Variants in MACF1 observed in about 807,000 individuals in gnomAD.
MACF1 encodes microtubule-actin cross-linking factor 1.
MACF1 carries 193 observed loss-of-function variants against 854.8 expected under a neutral mutation model. That is an observed-to-expected ratio of 0.23 (90% CI 0.20 to 0.25). The LOEUF (loss-of-function observed/expected upper bound fraction) is 0.25. Among genes scored for constraint, MACF1 ranks in the 10% least tolerant of loss-of-function variants. MACF1 has a pLI of 1.00. For missense variants in MACF1, 7,722 were observed against 8,929.1 expected (o/e 0.86, Z 5.45); for synonymous variants, 3,185 against 3,226.7 (o/e 0.99, Z 0.44).
intron 67 of MACF1, 138 bp from the exon 68 acceptor site, chr1:39,432,910 A>G (rs1643898821): frequency 1.6e-6 from 1 of 622,640 alleles, no homozygotes; most frequent in East Asian, 3.0e-5. Flanking sequence ...GATAAGCTAG[A>G]GAAGATGTTG....
At chr1:39,458,715 A>G (rs547384281) in intron 90 of MACF1, 1 of 574,104 alleles carries the variant, frequency 1.7e-6, no homozygotes, top group South Asian at 2.9e-5. Flanking sequence ...GGTTAAGCTT[A>G]TTTTTTAACA....
rs1240586369 is a variant in MACF1, at chr1:39,105,737, G to A, written c.220+21299G>A. 6 of 1,119,778 alleles carry A rather than the reference G, an allele frequency of 5.4e-6. No homozygotes were observed. The highest frequency in any genetic ancestry group is 6.7e-6 in the Non-Finnish European group (6 of 897,212). The allele number at this position is 1,119,778 out of a possible 1,614,324, so 69.4% of individuals were successfully genotyped here. A position where few individuals can be genotyped will look rare whatever the true frequency, so the allele number is the denominator to read the frequency against. On this transcript the variant is annotated intron_variant, in intron 2 of 93. Transcript: ENST00000361689. The surrounding 1 kb of genome is among the most constrained non-coding windows in gnomAD (Gnocchi z 5.9). ...ACAAAGGTAGGGCCGGGGACTGGCCGGCGCTGAGGCCCGCGGGCCGGCGCA... is the reference window on the plus strand; with the variant it reads ...ACAAAGGTAGGGCCGGGGACTGGCCAGCGCTGAGGCCCGCGGGCCGGCGCA...
intron 84 of MACF1, among the ~76,000 whole-genome samples, chr1:39,450,036 ATATTTT>A (rs1377627359): frequency 7.3e-5 from 11 of 151,406 alleles, no homozygotes; most frequent in Admixed American, 7.2e-4. Flanking sequence ...ATTTTTTTTA[ATATTTT>A]TATTAGAGAC....
rs1320335951 is a variant in MACF1 at position 39,150,459 on chromosome 1, C to A, written c.220+66021C>A. On this transcript the variant is annotated intron_variant, in intron 2 of 93. Transcript: ENST00000361689. ...GATTATTGTCATTCTACACCTAATA[C>A]CTACTAAATGTTAACATTATTTTAT... Among the ~76,000 whole-genome samples, 3 of 152,122 alleles carry A rather than the reference C, an allele frequency of 2.0e-5. No homozygotes were observed. In the East Asian group the frequency reaches 5.8e-4, roughly 29 times the overall value.
At chr1:39,415,811 G>C (rs1481785813) in intron 58 of MACF1, among the ~76,000 whole-genome samples, 1 of 152,176 alleles carries the variant, frequency 6.6e-6, no homozygotes, top group Non-Finnish European at 1.5e-5. Context: ...CAGTGGTAAA[G>C]AGTGCAGGAG....
chr1:39,369,970 T>C, intron 50 of MACF1, 60 bp from the exon 51 acceptor site: 1 of 1,501,744 alleles, frequency 6.7e-7, no homozygotes, highest in Non-Finnish European at 9.1e-7. Context: ...GAACTACTCT[T>C]AGCTCAAGTT....
chr1:39,410,421 A>G (rs1234941541), intron 58 of MACF1: 1 of 1,614,100 alleles, frequency 6.2e-7, no homozygotes, highest in Non-Finnish European at 8.5e-7. Context: ...ACCAGGGGTC[A>G]AAGCTTAACC....
chr1:39,134,268 G>C (rs924849956), intron 2 of MACF1, among the ~76,000 whole-genome samples: 4 of 150,928 alleles, frequency 2.7e-5, no homozygotes, highest in Non-Finnish European at 4.4e-5. Context: ...GGATGGTTTC[G>C]ATCTCCTGAC....
At chr1:39,285,274 A>C (rs1168060050) in intron 12 of MACF1, 23 bp from the exon 13 acceptor site, 4 of 1,614,026 alleles carry the variant, frequency 2.5e-6, no homozygotes, top group Non-Finnish European at 2.5e-6. Context: ...CTTGCACATG[A>C]CTATGGTTTT....
intron 2 of MACF1, among the ~76,000 whole-genome samples, chr1:39,181,296 T>G (rs1375087453): frequency 6.6e-6 from 1 of 152,206 alleles, no homozygotes; most frequent in African/African-American, 2.4e-5. Context: ...TGATAGAGCA[T>G]AGGGAAATTT....
At chr1:39,438,113 C>A in intron 71 of MACF1, 105 bp downstream of exon 71, 1 of 1,014,400 alleles carries the variant, frequency 9.9e-7, no homozygotes, top group Non-Finnish European at 1.4e-6. Context: ...AATGTAAAGG[C>A]AGTCCCCAGT....
At chr1:39,366,096 A>T (rs72661961) in intron 49 of MACF1, among the ~76,000 whole-genome samples, 8 of 151,802 alleles carry the variant, frequency 5.3e-5, no homozygotes, top group African/African-American at 1.9e-4. Context: ...GTCCTCCTCA[A>T]TTTTTTTCTT....
intron 26 of MACF1, 145 bp downstream of exon 26, chr1:39,311,145 CT>C: frequency 1.2e-6 from 1 of 833,998 alleles, no homozygotes; most frequent in Non-Finnish European, 1.8e-6. Context: ...CTATAAATGT[CT>C]TTTACCCGTG....
intron 2 of MACF1, among the ~76,000 whole-genome samples, chr1:39,167,429 G>A (rs529320003): frequency 1.3e-5 from 2 of 151,690 alleles, no homozygotes; most frequent in South Asian, 4.2e-4. Context: ...AAATTAGACC[G>A]GGCGCGGTGG....
At chr1:39,289,038 A>T (rs1645712945) in intron 15 of MACF1, among the ~76,000 whole-genome samples, 1 of 152,190 alleles carries the variant, frequency 6.6e-6, no homozygotes, top group Non-Finnish European at 1.5e-5. Context: ...AATAACCTCT[A>T]GTTCCATCCA....
At chr1:39,439,754 T>C (rs1266577498) in intron 72 of MACF1, among the ~76,000 whole-genome samples, 1 of 152,128 alleles carries the variant, frequency 6.6e-6, no homozygotes, top group Non-Finnish European at 1.5e-5. Context: ...TACAGGCATG[T>C]GCCACCATGC....
chr1:39,467,486 A>G (rs758601057), intron 95 of MACF1, among the ~76,000 whole-genome samples: 2 of 152,210 alleles, frequency 1.3e-5, no homozygotes, highest in Non-Finnish European at 2.9e-5. Flanking sequence ...AACTCTGCAT[A>G]CTTCTCTTTT....
Position 39,331,611 on chromosome 1 carries a change from G to A in MACF1, c.5023G>A (p.Ala1675Thr), listed in dbSNP as rs149837159. ...PSENCINLEEAFHQGLISAWL... is the reference protein window; with the variant it reads ...PSENCINLEETFHQGLISAWL... ...TGAGAACTGTATTAACCTGGAAGAG[G>A]CTTTTCATCAAGGCCTCATTTCTGC... Residue 1675 changes from alanine to threonine, a missense_variant, in exon 37 of 101, where the codon GCT becomes ACT. Physicochemically the swap from Ala to Thr is moderately conservative, Grantham distance 58. Coordinates refer to ENST00000564288, the MANE Select transcript of MACF1 (RefSeq NM_001394062.1). The A allele has an allele frequency of 5.0e-6, 8 of 1,614,018 alleles. No individual in the cohort carries two copies. Among genetic ancestry groups the A allele is most frequent in the African/African-American group, 2.7e-5 (2 of 74,912 alleles).
intron 58 of MACF1, among the ~76,000 whole-genome samples, chr1:39,420,358 G>A (rs1643486537): frequency 6.6e-6 from 1 of 151,980 alleles, no homozygotes; most frequent in Admixed American, 6.6e-5. Flanking sequence ...CTTTAAACTT[G>A]GGATGTTTTT....
Sources: gnomAD v4.1 joint callset for allele counts (sites outside exome capture counted in the v4.1 genomes callset) on GRCh38, gnomAD v4.1.1 for gene constraint, Gnocchi (gnomAD v3.1) non-coding constraint, MANE v1.5 for transcripts, NCBI Gene and HGNC (gene_info 2026-07-23, HGNC 2026-07-21) for gene names.